PIR: variants seen among roughly 807,000 people sequenced by gnomAD.
PIR encodes pirin (iron-binding nuclear protein).
PIR carries 22 observed loss-of-function variants against 24.2 expected under a neutral mutation model. That is an observed-to-expected ratio of 0.91 (90% CI 0.65 to 1.30). The LOEUF (loss-of-function observed/expected upper bound fraction) is 1.30, where lower values mean the gene tolerates loss of function less well. Among genes scored for constraint, PIR ranks in the 50% most tolerant of loss-of-function variants. The pLI is 0.00. For synonymous variants in PIR, 80 were observed against 79.6 expected (o/e 1.00, Z -0.03); for missense variants, 220 against 220.3 (o/e 1.00, Z 0.01).
At chrX:15,395,130 A>G (rs182391183) in intron 8 of PIR, among the ~76,000 whole-genome samples, 12 of 112,088 alleles carry the variant, frequency 1.1e-4, no homozygotes, top group Middle Eastern at 4.6e-3. Flanking sequence ...GGCTAATGCT[A>G]GGTTCAAGTG....
At chrX:15,422,150 A>G (rs1925152104) in intron 6 of PIR, among the ~76,000 whole-genome samples, 1 of 111,369 alleles carries the variant, frequency 9.0e-6, no homozygotes, top group South Asian at 3.8e-4. Context: ...AACGTACCTC[A>G]AAATAATAAA....
At chrX:15,429,541 T>C (rs993409032) in intron 5 of PIR, 14 of 111,982 alleles carry the variant, frequency 1.3e-4, no homozygotes, top group African/African-American at 4.5e-4. Context: ...CAAAACTGAA[T>C]GTATATTATT....
chrX:15,398,750 G>A (rs1924279316), intron 7 of PIR, among the ~76,000 whole-genome samples: 1 of 102,583 alleles, frequency 9.7e-6, no homozygotes, highest in Admixed American at 1.1e-4. Flanking sequence ...GACTATGATG[G>A]CAGAATGTGG....
At chrX:15,430,644 C>T (rs1377035220) in intron 5 of PIR, among the ~76,000 whole-genome samples, 1 of 111,668 alleles carries the variant, frequency 9.0e-6, no homozygotes, top group Non-Finnish European at 1.9e-5. Flanking sequence ...CAAACTCCAA[C>T]TACCTTCATC....
At chrX:15,448,286 C>T (rs1926174848) in intron 5 of PIR, among the ~76,000 whole-genome samples, 1 of 112,349 alleles carries the variant, frequency 8.9e-6, no homozygotes, top group African/African-American at 3.2e-5. Flanking sequence ...TTGCTGGGTA[C>T]ATTTCTTTGG....
chrX:15,489,818 G>A (rs1336599699), intron 2 of PIR, among the ~76,000 whole-genome samples: 1 of 111,615 alleles, frequency 9.0e-6, no homozygotes, highest in Non-Finnish European at 1.9e-5. Flanking sequence ...AATAAGCCAG[G>A]CACAGAAAGA....
intron 5 of PIR, among the ~76,000 whole-genome samples, chrX:15,448,476 C>T (rs149421722): frequency 3.6e-3 from 401 of 112,182 alleles, no homozygotes; most frequent in Non-Finnish European, 5.4e-3. Context: ...ATGAGATGGA[C>T]TGCATATAGC....
In PIR at chrX:15,491,189, C is replaced by T; in HGVS notation, c.69G>A (p.Arg23=). Residue 23 remains arginine (R), a synonymous_variant, in exon 2 of 10, where the codon AGG becomes AGA. Coordinates refer to ENST00000380420, the MANE Select transcript of PIR (RefSeq NM_001018109.3). ...CGGGTCTGCCAATGCTTCTCCGGACCCTCGCTCCAACCCCTTCCGACTGCT... is the reference window on the plus strand; with the variant it reads ...CGGGTCTGCCAATGCTTCTCCGGACTCTCGCTCCAACCCCTTCCGACTGCT... ...SREQSEGVGA[R]VRRSIGRPEL... 8.3e-7 allele frequency: 1 copy of T among 1,207,208 alleles called. No homozygotes were observed. Among genetic ancestry groups the T allele is most frequent in the South Asian group, 1.8e-5 (1 of 56,724 alleles).
intron 3 of PIR, among the ~76,000 whole-genome samples, chrX:15,472,398 G>T (rs995065809): frequency 9.0e-6 from 1 of 111,720 alleles, no homozygotes; most frequent in Non-Finnish European, 1.9e-5. Context: ...GGTGTAAATG[G>T]AAACAACCCA....
chrX:15,470,600 C>CTTTTTTTTTTTTTT (rs1185040119), intron 3 of PIR, among the ~76,000 whole-genome samples: 1 of 45,106 alleles, frequency 2.2e-5, no homozygotes. Context: ...TTCTTTCTTT[C>CTTTTTTTTTTTTTT]TTTTTTTTTT....
At chrX:15,466,155 G>A (rs1921583404) in intron 3 of PIR, among the ~76,000 whole-genome samples, 1 of 109,841 alleles carries the variant, frequency 9.1e-6, no homozygotes, top group South Asian at 3.9e-4. Context: ...CTTCAAGGAT[G>A]TCTGAATCCA....
chrX:15,447,881 T>G (rs973227117), intron 5 of PIR, among the ~76,000 whole-genome samples: 5 of 112,180 alleles, frequency 4.5e-5, no homozygotes, highest in African/African-American at 1.3e-4. Flanking sequence ...TTGGGTTTTT[T>G]TAATAGCTTT....
At chrX:15,437,217 C>T (rs7066548) in intron 5 of PIR, among the ~76,000 whole-genome samples, 6,811 of 111,613 alleles carry the variant, frequency 0.061, 518 homozygotes, top group African/African-American at 0.21. Context: ...GGGTTTCAGC[C>T]TTCTCATTTA....
chrX:15,420,994 A>G (rs1925112667), intron 6 of PIR, among the ~76,000 whole-genome samples: 1 of 112,193 alleles, frequency 8.9e-6, no homozygotes, highest in African/African-American at 3.2e-5. Context: ...GAATGCACAT[A>G]TATGTCAGTG....
chrX:15,441,798 C>T (rs1465470194), intron 5 of PIR, among the ~76,000 whole-genome samples: 3 of 111,527 alleles, frequency 2.7e-5, no homozygotes, highest in Non-Finnish European at 5.6e-5. Context: ...AGAGGTAAGC[C>T]TGCCTCTGAA....
intron 5 of PIR, among the ~76,000 whole-genome samples, chrX:15,443,304 T>A (rs1013283487): frequency 9.1e-6 from 1 of 110,234 alleles, no homozygotes; most frequent in African/African-American, 3.3e-5. Flanking sequence ...GAAAAAAAAA[T>A]ATTCCTTTAA....
chrX:15,427,219 G>A (rs1377495333), intron 5 of PIR, among the ~76,000 whole-genome samples: 2 of 111,129 alleles, frequency 1.8e-5, no homozygotes, highest in Admixed American at 1.9e-4. Flanking sequence ...GGGAAGGTTA[G>A]CAAGTAGAAA....
At chrX:15,476,917 T>C (rs1922226217) in intron 3 of PIR, among the ~76,000 whole-genome samples, 1 of 111,931 alleles carries the variant, frequency 8.9e-6, no homozygotes, top group African/African-American at 3.2e-5. Flanking sequence ...AGATGCTTAA[T>C]GAGGCCATTA....
intron 5 of PIR, among the ~76,000 whole-genome samples, chrX:15,435,790 T>A (rs1202322162): frequency 8.9e-6 from 1 of 112,254 alleles, no homozygotes; most frequent in Non-Finnish European, 1.9e-5. Context: ...CTGGAGATGG[T>A]AAGGCTTTGA....
Sources: gnomAD v4.1 joint callset for allele counts (sites outside exome capture counted in the v4.1 genomes callset) on GRCh38, gnomAD v4.1.1 for gene constraint, MANE v1.5 for transcripts, NCBI Gene and HGNC (gene_info 2026-07-23, HGNC 2026-07-21) for gene names.